Variants in EIF2S3B observed in about 807,000 individuals in gnomAD.
EIF2S3B encodes the protein eukaryotic translation initiation factor 2 subunit gamma B.
EIF2S3B carries 16 observed loss-of-function variants against 26.4 expected under a neutral mutation model. The observed-to-expected ratio is 0.61, with a 90% CI of 0.41 to 0.92. EIF2S3B has a LOEUF of 0.92. EIF2S3B is among the 40% of genes least tolerant of loss of function. The pLI, the probability that EIF2S3B is intolerant of heterozygous loss-of-function variation, is 0.00. For missense variants in EIF2S3B, 510 were observed against 575.5 expected, an observed-to-expected ratio of 0.89 and a Z score of 1.16; for synonymous variants, 183 against 204.4, an observed-to-expected ratio of 0.90 and a Z score of 0.89.
chr12:10,508,542 A>AAAAAAAAG (rs1864671749), downstream of EIF2S3B, among the ~76,000 whole-genome samples: 1 of 150,362 alleles, frequency 6.7e-6, no homozygotes, highest in Non-Finnish European at 1.5e-5. Flanking sequence ...AAAAAAAAAA[A>AAAAAAAAG]AAAAAAAGAA....
chr12:10,512,679 A>T (rs544302240), downstream of EIF2S3B, among the ~76,000 whole-genome samples: 21 of 152,094 alleles, frequency 1.4e-4, no homozygotes, highest in East Asian at 3.9e-3. Context: ...AAAACTCCAA[A>T]ATTTCCATCC....
At position 10,507,228 on chromosome 12, in the gene EIF2S3B, C is replaced by A; in HGVS notation, c.1326C>A (p.Ala442=). The change falls in exon 1 of 1, where the codon GCC becomes GCA. Residue 442 remains alanine (A), a synonymous_variant. Coordinates refer to ENST00000538173, the MANE Select transcript of EIF2S3B (RefSeq NM_001357734.3). Reference sequence around the variant, plus strand: ...GCACAGAGGTAGGAGAAAAAATTGCCCTTAGCCGAAGAGTTGAAAAACACT... The same window carrying A: ...GCACAGAGGTAGGAGAAAAAATTGCACTTAGCCGAAGAGTTGAAAAACACT... ...PVCTEVGEKI[A]LSRRVEKHWR... 6.2e-7 allele frequency: 1 copy of A among 1,613,842 alleles called. No individual in the cohort carries two copies. The highest frequency in any genetic ancestry group is 8.5e-7 in the Non-Finnish European group (1 of 1,179,804).
downstream of EIF2S3B, among the ~76,000 whole-genome samples, chr12:10,512,170 T>C (rs1449425374): frequency 1.3e-5 from 2 of 152,208 alleles, no homozygotes; most frequent in East Asian, 3.8e-4. Flanking sequence ...TCTCCTTTCC[T>C]TATCGCCCGC....
chr12:10,521,083 C>T (rs1210928013), intron 1 of EIF2S3B, among the ~76,000 whole-genome samples: 1 of 152,152 alleles, frequency 6.6e-6, no homozygotes, highest in Non-Finnish European at 1.5e-5. Flanking sequence ...TGTATATCTT[C>T]TCTTGAAAAT....
Position 10,507,445 on chromosome 12 carries a change from T to A in EIF2S3B, c.*124T>A. On this transcript the variant is annotated 3_prime_UTR_variant, in exon 1 of 1. Transcript: ENST00000538173. ...TTTCACAGTTTGTTACCTTAGTAGG[T>A]AACGGTAAGGTTATTCTCTCTTTTT... 8.8e-7 allele frequency: 1 copy of A among 1,138,124 alleles called. No homozygotes were observed. Among genetic ancestry groups the A allele is most frequent in the East Asian group, 2.4e-5 (1 of 42,370 alleles). The allele number at this position is 1,138,124 out of a possible 1,614,324, so 70.5% of individuals were successfully genotyped here. A position where few individuals can be genotyped will look rare whatever the true frequency, so the allele number is the denominator to read the frequency against.
At position 10,522,879 on chromosome 12, in the gene EIF2S3B, T is replaced by C; in HGVS notation, c.*184T>C. The C allele has an allele frequency of 6.7e-6, 3 of 450,948 alleles. No individual in the cohort carries two copies. In the South Asian group the frequency reaches 1.2e-4, roughly 18 times the overall value. The allele number at this position is 450,948 out of a possible 1,614,324, so 27.9% of individuals were successfully genotyped here. ...CAGCCAGCCCTACACCTGGACTTCA[T>C]GTTTATTATTTATATCAGTCCAAGT... On this transcript the variant is annotated 3_prime_UTR_variant, in exon 2 of 2. Transcript: ENST00000322446.
At chr12:10,513,486 G>T (rs1323341159), downstream of EIF2S3B, among the ~76,000 whole-genome samples, 2 of 152,196 alleles carry the variant, frequency 1.3e-5, no homozygotes, top group African/African-American at 2.4e-5. Context: ...CTGTGTATTT[G>T]TTGGAGGATT....
chr12:10,507,431 GTTACC>G lies in EIF2S3B; in HGVS notation c.*114_*118del. ...TATTGGGGAATTGATTTCACAGTTTGTTACCTTAGTAGGTAACGGTAAGGTTATTC... is the reference window on the plus strand; with the variant it reads ...TATTGGGGAATTGATTTCACAGTTTGTTAGTAGGTAACGGTAAGGTTATTC... On this transcript the variant is annotated 3_prime_UTR_variant, in exon 1 of 1. Coordinates refer to ENST00000538173, the MANE Select transcript of EIF2S3B (RefSeq NM_001357734.3). The G allele has an allele frequency of 7.7e-7, 1 of 1,305,500 alleles. No individual in the cohort carries two copies. The highest frequency in any genetic ancestry group is 1.8e-5 in the Admixed American group (1 of 55,592). The allele number at this position is 1,305,500 out of a possible 1,614,324, so 80.9% of individuals were successfully genotyped here.
At position 10,507,295 on chromosome 12, in the gene EIF2S3B, A is replaced by G. The variant is rs1864646768; in HGVS notation, c.1393A>G (p.Ile465Val). 8.1e-6 allele frequency: 13 copies of G among 1,613,412 alleles called. No homozygotes were observed. The highest frequency in any genetic ancestry group is 1.3e-5 in the African/African-American group (1 of 75,018). The change falls in exon 1 of 1, where the codon ATC becomes GTC. Residue 465 changes from isoleucine (I) to valine (V), a missense_variant. Transcript: ENST00000538173. ...GGGTCAGATAAGAAGAGGAGTGACA[A>G]TCAAGCCAACAGTAGATGATGACTG... is the stretch of plus-strand genomic sequence containing the variant. Reference protein sequence around the residue: ...GWGQIRRGVTIKPTVDDD With the variant: ...GWGQIRRGVTVKPTVDDD
chr12:10,510,060 C>G (rs1864689515), downstream of EIF2S3B, among the ~76,000 whole-genome samples: 1 of 152,148 alleles, frequency 6.6e-6, no homozygotes, highest in Non-Finnish European at 1.5e-5. Context: ...TTCGACTACT[C>G]ATATCATCCA....
chr12:10,517,431 T>C (rs1864769723), intron 1 of EIF2S3B, among the ~76,000 whole-genome samples: 1 of 152,194 alleles, frequency 6.6e-6, no homozygotes, highest in African/African-American at 2.4e-5. Flanking sequence ...GATGGTAGTT[T>C]GTATTTCTGT....
chr12:10,516,411 T>C (rs189415747), intron 1 of EIF2S3B, among the ~76,000 whole-genome samples: 184 of 152,188 alleles, frequency 1.2e-3, no homozygotes, highest in African/African-American at 4.2e-3. Context: ...GCAGAATATA[T>C]AGTGAGCATG....
intron 1 of EIF2S3B, among the ~76,000 whole-genome samples, chr12:10,519,159 C>G (rs930781540): frequency 2.0e-5 from 3 of 151,878 alleles, no homozygotes; most frequent in African/African-American, 7.3e-5. Context: ...ACCAAAACAG[C>G]GATATAGATC....
chr12:10,507,465 C>A lies in EIF2S3B; in HGVS notation c.*144C>A. On this transcript the variant is annotated 3_prime_UTR_variant, in exon 1 of 1. Coordinates refer to ENST00000538173, the MANE Select transcript of EIF2S3B (RefSeq NM_001357734.3). ...GTAGGTAACGGTAAGGTTATTCTCT[C>A]TTTTTTTTTTTGGTTATGAAAACTT... 1 of 723,622 alleles carries A rather than the reference C, an allele frequency of 1.4e-6. No homozygotes were observed. The highest frequency in any genetic ancestry group is 2.1e-6 in the Non-Finnish European group (1 of 485,158). The allele number at this position is 723,622 out of a possible 1,614,324, so 44.8% of individuals were successfully genotyped here. A position where few individuals can be genotyped will look rare whatever the true frequency, so the allele number is the denominator to read the frequency against.
At chr12:10,522,009 A>G (rs1864837697) in intron 1 of EIF2S3B, among the ~76,000 whole-genome samples, 1 of 152,206 alleles carries the variant, frequency 6.6e-6, no homozygotes, top group Non-Finnish European at 1.5e-5. Context: ...CTCAAGAATA[A>G]CTTTTGAGTC....
intron 1 of EIF2S3B, among the ~76,000 whole-genome samples, chr12:10,519,164 T>C (rs1864801662): frequency 6.6e-6 from 1 of 152,126 alleles, no homozygotes; most frequent in Admixed American, 6.5e-5. Flanking sequence ...AACAGCGATA[T>C]AGATCAATGT....
chr12:10,521,556 A>G (rs1161536341), intron 1 of EIF2S3B, among the ~76,000 whole-genome samples: 1 of 152,160 alleles, frequency 6.6e-6, no homozygotes, highest in Non-Finnish European at 1.5e-5. Flanking sequence ...TAATACCTAC[A>G]TTTATATAAA....
At chr12:10,516,868 T>C (rs1864763478) in intron 1 of EIF2S3B, among the ~76,000 whole-genome samples, 1 of 145,598 alleles carries the variant, frequency 6.9e-6, no homozygotes. Context: ...ATTGAGATAA[T>C]CATGTGGTTT....
At chr12:10,513,366 C>T (rs1864723401), downstream of EIF2S3B, among the ~76,000 whole-genome samples, 2 of 152,086 alleles carry the variant, frequency 1.3e-5, no homozygotes, top group African/African-American at 4.8e-5. Context: ...GGCATAAATC[C>T]CCTCACCTTC....
Sources: allele counts gnomAD v4.1 joint callset (sites outside exome capture counted in the v4.1 genomes callset), GRCh38; gene constraint gnomAD v4.1.1; transcripts MANE v1.5; gene names NCBI Gene and HGNC (gene_info 2026-07-23, HGNC 2026-07-21).